DAB1: variants seen among roughly 807,000 people sequenced by gnomAD.
DAB1 encodes DAB adaptor protein 1.
A neutral mutation model predicts 64.6 loss-of-function variants in DAB1; 15 were observed. That is an observed-to-expected ratio of 0.23 (90% CI 0.16 to 0.36). DAB1 has a LOEUF of 0.36. Among genes scored for constraint, DAB1 ranks in the 10% least tolerant of loss-of-function variants. DAB1 has a pLI of 1.00. For synonymous variants in DAB1, 235 were observed against 251.9 expected (o/e 0.93, Z 0.64); for missense variants, 596 against 706.7 (o/e 0.84, Z 1.78).
At chr1:58,085,253 T>C (rs1304823603) in intron 5 of DAB1, among the ~76,000 whole-genome samples, 1 of 152,200 alleles carries the variant, frequency 6.6e-6, no homozygotes, top group Non-Finnish European at 1.5e-5. Context: ...TAGAAGCTCT[T>C]TATAAAGCAA....
At chr1:57,585,817 G>A (rs1645372348) in intron 7 of DAB1, among the ~76,000 whole-genome samples, 1 of 152,172 alleles carries the variant, frequency 6.6e-6, no homozygotes, top group African/African-American at 2.4e-5. Flanking sequence ...ATAAGTTATG[G>A]ATAAATGTAT....
At position 57,674,670 on chromosome 1, in the gene DAB1, C is replaced by T. The variant is rs140216854; in HGVS notation, n.552-25005G>A. 8.1e-3 allele frequency among the ~76,000 whole-genome samples: 1,231 copies of T among 152,260 alleles called. 9 individuals are homozygous for T. The highest frequency in any genetic ancestry group is 0.012 in the Non-Finnish European group (837 of 68,028). ...CAAAGGGTCCACTTGGCTAATAAGG[C>T]CACTTCCTGTAACTGCTCCTCAGTC... On this transcript the variant is annotated intron_variant and non_coding_transcript_variant, in intron 6 of 20. Transcript: ENST00000485760.
At chr1:57,201,162 C>T (rs958604218) in intron 2 of DAB1, among the ~76,000 whole-genome samples, 4 of 152,198 alleles carry the variant, frequency 2.6e-5, no homozygotes, top group African/African-American at 7.2e-5. Flanking sequence ...AATGAGACCA[C>T]CTTGCTATAG....
chr1:57,077,641 T>C (rs1276133700), intron 4 of DAB1, among the ~76,000 whole-genome samples: 1 of 152,236 alleles, frequency 6.6e-6, no homozygotes. Flanking sequence ...TACCAGTGTT[T>C]AAATGAAGTA....
At chr1:57,530,623 G>A (rs1406038511) in intron 7 of DAB1, among the ~76,000 whole-genome samples, 1 of 151,844 alleles carries the variant, frequency 6.6e-6, no homozygotes, top group Admixed American at 6.6e-5. Flanking sequence ...ATATTACTTG[G>A]GGAACCAAGC....
chr1:58,361,102 A>C (rs66810540), intron 3 of DAB1, among the ~76,000 whole-genome samples: 14,231 of 152,258 alleles, frequency 0.093, 668 homozygotes, highest in Middle Eastern at 0.13. Context: ...GAAACACTGC[A>C]GACACTGAAG....
intron 3 of DAB1, among the ~76,000 whole-genome samples, chr1:58,459,932 C>A (rs190986229): frequency 1.8e-4 from 27 of 152,296 alleles, no homozygotes; most frequent in African/African-American, 6.3e-4. Context: ...GAGCTGAGAT[C>A]ATGCCACTGC....
intron 5 of DAB1, among the ~76,000 whole-genome samples, chr1:58,124,656 A>C (rs562809936): frequency 6.6e-6 from 1 of 152,364 alleles, no homozygotes; most frequent in South Asian, 2.1e-4. Context: ...ATTTTATACA[A>C]GGAAAGAGTC....
intron 4 of DAB1, among the ~76,000 whole-genome samples, chr1:58,318,974 C>A (rs548976278): frequency 2.0e-5 from 3 of 152,212 alleles, no homozygotes; most frequent in African/African-American, 7.2e-5. Context: ...TGTGAGATGA[C>A]CAATTTGCAA....
rs146727367 is a variant in DAB1, at chr1:57,151,158, C to CTT, written c.68-5731_68-5730dup. On this transcript the variant is annotated intron_variant, in intron 2 of 14. Coordinates refer to ENST00000371236, the MANE Select transcript of DAB1 (RefSeq NM_001365792.1). ...AGCATCTTGGAAGCCAAGTTAAAGC[C>CTT]TTTGAACATTGTTCTTAGACCACAA... 1.1e-4 allele frequency among the ~76,000 whole-genome samples: 17 copies of CTT among 152,240 alleles called. No individual in the cohort carries two copies. In the East Asian group the frequency reaches 3.3e-3, roughly 29 times the overall value.
intron 4 of DAB1, among the ~76,000 whole-genome samples, chr1:58,283,004 C>G (rs1253875934): frequency 3.3e-5 from 5 of 152,096 alleles, no homozygotes; most frequent in South Asian, 2.1e-4. Context: ...CCCATCCCCC[C>G]ACCCCAATTG....
intron 7 of DAB1, among the ~76,000 whole-genome samples, chr1:57,445,764 C>G (rs1195284245): frequency 6.6e-6 from 1 of 152,066 alleles, no homozygotes; most frequent in African/African-American, 2.4e-5. Flanking sequence ...AGAATTCACC[C>G]AAAATATATT....
At chr1:57,441,282 CTTTCTTTCTTTCTT>C (rs1558383729) in intron 7 of DAB1, among the ~76,000 whole-genome samples, 602 of 37,012 alleles carry the variant, frequency 0.016, 4 homozygotes, top group Middle Eastern at 0.036. Flanking sequence ...CTCTTTCTTT[CTTTCTTTCTTTCTT>C]TCTTTCTTTC....
intron 2 of DAB1, among the ~76,000 whole-genome samples, chr1:57,257,604 T>C (rs1212215657): frequency 1.3e-5 from 2 of 152,220 alleles, no homozygotes; most frequent in African/African-American, 2.4e-5. Flanking sequence ...TTGTCTCCTA[T>C]GTGATTGTAA....
chr1:57,945,400 C>A (rs1360067125), intron 5 of DAB1, among the ~76,000 whole-genome samples: 1 of 151,474 alleles, frequency 6.6e-6, no homozygotes, highest in South Asian at 2.1e-4. Flanking sequence ...GCTGAGACTA[C>A]AGGCATATAC....
At chr1:57,194,104 A>G (rs988757442) in intron 2 of DAB1, among the ~76,000 whole-genome samples, 1 of 152,206 alleles carries the variant, frequency 6.6e-6, no homozygotes, top group African/African-American at 2.4e-5. Flanking sequence ...GTTACTTTGG[A>G]GCAGTGGTTC....
chr1:58,513,872 A>G (rs1646119872), intron 2 of DAB1, among the ~76,000 whole-genome samples: 1 of 152,242 alleles, frequency 6.6e-6, no homozygotes. Context: ...ACATAACTTG[A>G]CAAAGCTCAA....
intron 5 of DAB1, among the ~76,000 whole-genome samples, chr1:57,961,559 G>A (rs1235548309): frequency 6.6e-6 from 1 of 152,086 alleles, no homozygotes; most frequent in Admixed American, 6.6e-5. Flanking sequence ...GCAAATCTCT[G>A]GATTTATGAG....
At chr1:57,081,186 C>T (rs532402729) in intron 4 of DAB1, among the ~76,000 whole-genome samples, 1 of 152,276 alleles carries the variant, frequency 6.6e-6, no homozygotes, top group East Asian at 1.9e-4. Flanking sequence ...GGCTCAGTTT[C>T]TTCATCTGTA....
Sources: allele counts gnomAD v4.1 joint callset (sites outside exome capture counted in the v4.1 genomes callset), GRCh38; gene constraint gnomAD v4.1.1; transcripts MANE v1.5; gene names NCBI Gene and HGNC (gene_info 2026-07-23, HGNC 2026-07-21).